The following TDRD3 variants were observed in gnomAD, a reference collection of about 807,000 sequenced individuals.
The protein encoded by TDRD3 is tudor domain containing 3, also known as tudor domain-containing protein 3.
Under a neutral mutation model 86.7 loss-of-function variants are expected in TDRD3, and 45 were observed. The observed-to-expected ratio is 0.52, with a 90% confidence interval of 0.41 to 0.67. The LOEUF (loss-of-function observed/expected upper bound fraction) is 0.67, where lower values mean the gene tolerates loss of function less well. Ranked by LOEUF, TDRD3 falls within the 30% of genes least tolerant of loss-of-function variation. TDRD3 has a pLI of 0.00. For synonymous variants in TDRD3, 298 were observed against 301.7 expected (o/e 0.99, Z 0.13); for missense variants, 814 against 889.0 (o/e 0.92, Z 1.07).
chr13:60,468,537 TG>T (rs1955999909), intron 5 of TDRD3, among the ~76,000 whole-genome samples: 1 of 152,120 alleles, frequency 6.6e-6, no homozygotes, highest in South Asian at 2.1e-4. Context: ...TCAGAATTTT[TG>T]TTTGTATCAT....
intron 12 of TDRD3, among the ~76,000 whole-genome samples, chr13:60,544,007 G>C (rs1281394293): frequency 6.8e-6 from 1 of 148,104 alleles, no homozygotes; most frequent in African/African-American, 2.5e-5. Context: ...CCTACATGAA[G>C]TTTATATGTC....
chr13:60,410,462 A>T (rs546495766), intron 1 of TDRD3, among the ~76,000 whole-genome samples: 3 of 152,294 alleles, frequency 2.0e-5, no homozygotes, highest in African/African-American at 7.2e-5. Flanking sequence ...GACATAAAGC[A>T]TGTAAAATGG....
upstream of TDRD3, chr13:60,397,139 T>C (rs931815094): frequency 1.3e-5 from 5 of 388,056 alleles, no homozygotes; most frequent in Non-Finnish European, 2.3e-5. Flanking sequence ...CTCCGCAGCC[T>C]GGGAGCCCCA....
At chr13:60,476,379 T>A (rs1956187210) in intron 5 of TDRD3, among the ~76,000 whole-genome samples, 1 of 152,200 alleles carries the variant, frequency 6.6e-6, no homozygotes, top group Non-Finnish European at 1.5e-5. Context: ...CTAGGTTCTT[T>A]ATCCTGTTCC....
Position 60,467,301 on chromosome 13 carries a change from C to T in TDRD3, c.417C>T (p.Phe139=). 6.2e-7 allele frequency: 1 copy of T among 1,613,814 alleles called. No individual in the cohort carries two copies. Among genetic ancestry groups the T allele is most frequent in the Non-Finnish European group, 8.5e-7 (1 of 1,179,874 alleles). The change falls in exon 5 of 14, where the codon TTC becomes TTT. Residue 139 remains phenylalanine (F), a synonymous_variant. Transcript: ENST00000377881. ...GCATTGTTGACATAAAAAATGGATT[C>T]CTGCTCTTGAATGACTCTAACACCA... ...LSGIVDIKNG[F]LLLNDSNTTV...
chr13:60,453,575 A>C (rs1239183364), intron 3 of TDRD3, among the ~76,000 whole-genome samples: 1 of 152,192 alleles, frequency 6.6e-6, no homozygotes, highest in Non-Finnish European at 1.5e-5. Context: ...ATTCTAGAAA[A>C]GGCAAATGTT....
intron 12 of TDRD3, among the ~76,000 whole-genome samples, chr13:60,538,897 GA>G (rs1450213133): frequency 6.6e-6 from 1 of 152,064 alleles, no homozygotes; most frequent in Non-Finnish European, 1.5e-5. Context: ...TTAATGACCT[GA>G]ATTATATTGA....
At chr13:60,566,767 C>CTAAGTCCTTT (rs537550067) in intron 12 of TDRD3, among the ~76,000 whole-genome samples, 1 of 152,250 alleles carries the variant, frequency 6.6e-6, no homozygotes, top group Non-Finnish European at 1.5e-5. Flanking sequence ...TTTGTTGCTT[C>CTAAGTCCTTT]TAAGTCCTTT....
chr13:60,491,749 G>T (rs1447980991), intron 7 of TDRD3, among the ~76,000 whole-genome samples: 1 of 152,020 alleles, frequency 6.6e-6, no homozygotes, highest in Admixed American at 6.6e-5. Flanking sequence ...ACAGTGTGTG[G>T]GTTGATGTGG....
intron 3 of TDRD3, among the ~76,000 whole-genome samples, chr13:60,446,361 T>C (rs556224952): frequency 6.6e-6 from 1 of 152,150 alleles, no homozygotes; most frequent in South Asian, 2.1e-4. Context: ...TAACTGAGAC[T>C]ACAGACAGGT....
At chr13:60,441,637 G>A (rs1364087240) in intron 2 of TDRD3, among the ~76,000 whole-genome samples, 3 of 152,070 alleles carry the variant, frequency 2.0e-5, no homozygotes, top group South Asian at 2.1e-4. Context: ...AATTAACCAC[G>A]AGTTGAGAAA....
At chr13:60,559,245 T>C (rs970268247) in intron 12 of TDRD3, among the ~76,000 whole-genome samples, 1 of 152,166 alleles carries the variant, frequency 6.6e-6, no homozygotes, top group Admixed American at 6.5e-5. Flanking sequence ...AAAACGAAGA[T>C]GTAGAAAAGA....
At chr13:60,552,322 G>A (rs1437364573) in intron 12 of TDRD3, among the ~76,000 whole-genome samples, 1 of 152,240 alleles carries the variant, frequency 6.6e-6, no homozygotes, top group East Asian at 1.9e-4. Context: ...TCTGAAACCT[G>A]GCAGGGCACT....
In TDRD3 at chr13:60,542,487, T is replaced by G. The variant is rs188343852; in HGVS notation, c.2118+7254T>G. 2.6e-5 allele frequency among the ~76,000 whole-genome samples: 4 copies of G among 152,340 alleles called. No homozygotes were observed. In the East Asian group the frequency reaches 5.8e-4, roughly 22 times the overall value. ...TCAGTTTCTGGTGAATTTCTGAGCTTCTTTCATCTGCATCTAAAAAAGCAG... is the reference window on the plus strand; with the variant it reads ...TCAGTTTCTGGTGAATTTCTGAGCTGCTTTCATCTGCATCTAAAAAAGCAG... On this transcript the variant is annotated intron_variant, in intron 12 of 13. Transcript: ENST00000377881.
At chr13:60,444,811 A>G in intron 3 of TDRD3, 63 bp downstream of exon 3, 1 of 984,578 alleles carries the variant, frequency 1.0e-6, no homozygotes, top group Non-Finnish European at 1.5e-6. Context: ...GAACTAAATT[A>G]CTGGAATTAC....
chr13:60,536,198 A>G (rs1227975690), intron 12 of TDRD3: 4 of 152,062 alleles, frequency 2.6e-5, no homozygotes, highest in Admixed American at 6.5e-5. Flanking sequence ...GGCAACAGAA[A>G]AACAAAAAAC....
chr13:60,527,033 C>T (rs1175540889), intron 10 of TDRD3, among the ~76,000 whole-genome samples: 2 of 152,104 alleles, frequency 1.3e-5, no homozygotes, highest in Non-Finnish European at 2.9e-5. Flanking sequence ...CAAGGGTTCA[C>T]CATGTTGCCC....
At chr13:60,561,923 G>A (rs552420699) in intron 12 of TDRD3, among the ~76,000 whole-genome samples, 1 of 137,732 alleles carries the variant, frequency 7.3e-6, no homozygotes, top group African/African-American at 2.7e-5. Context: ...TATTAAAGTG[G>A]AATTTTTTTA....
chr13:60,479,575 G>C (rs1221913876), intron 5 of TDRD3, among the ~76,000 whole-genome samples: 1 of 152,150 alleles, frequency 6.6e-6, no homozygotes, highest in Non-Finnish European at 1.5e-5. Context: ...TTGATGATTT[G>C]TCTAATGCTT....
Sources: allele counts gnomAD v4.1 joint callset (sites outside exome capture counted in the v4.1 genomes callset), GRCh38; gene constraint gnomAD v4.1.1; transcripts MANE v1.5; gene names NCBI Gene and HGNC (gene_info 2026-07-23, HGNC 2026-07-21).